Variants in RAB3B observed in about 807,000 individuals in gnomAD.
RAB3B encodes the protein RAB3B, member RAS oncogene family.
Under a neutral mutation model 20.5 loss-of-function variants are expected in RAB3B, and 11 were observed. The ratio of observed to expected loss-of-function variants is 0.54; its 90% CI spans 0.34 to 0.89. RAB3B has a LOEUF of 0.89. Ranked by LOEUF, RAB3B falls within the 40% of genes least tolerant of loss-of-function variation. RAB3B has a pLI of 0.02. For missense variants in RAB3B, 225 were observed against 280.9 expected, an observed-to-expected ratio of 0.80 and a Z score of 1.42; for synonymous variants, 99 against 106.3, an observed-to-expected ratio of 0.93 and a Z score of 0.42.
At chr1:51,936,160 G>T (rs1230570602) in intron 3 of RAB3B, among the ~76,000 whole-genome samples, 3 of 152,210 alleles carry the variant, frequency 2.0e-5, no homozygotes. Context: ...CAGCCTCTCC[G>T]ATTCTGAAGG....
In RAB3B at chr1:51,919,844, G is replaced by T; in HGVS notation, c.*83C>A. The stretch of plus-strand genomic sequence containing the variant: ...GGGCAGTGTGTAACAGGGAGAGTGG[G>T]CTGAGAGCGGACAGTGTGTAACAGG... On this transcript the variant is annotated 3_prime_UTR_variant, in exon 5 of 5. Transcript: ENST00000371655. The T allele has an allele frequency of 7.4e-7, 1 of 1,352,668 alleles. No homozygotes were observed. The highest frequency in any genetic ancestry group is 1.0e-6 in the Non-Finnish European group (1 of 989,148). 83.8% of individuals were successfully genotyped at this position (1,352,668 alleles called of 1,614,324 possible). A position where few individuals can be genotyped will look rare whatever the true frequency, so the allele number is the denominator to read the frequency against.
intron 1 of RAB3B, among the ~76,000 whole-genome samples, chr1:51,985,252 G>A (rs909971401): frequency 5.3e-5 from 8 of 152,070 alleles, no homozygotes; most frequent in Non-Finnish European, 1.0e-4. Flanking sequence ...CCCTGATTGT[G>A]GCTCCATTAT....
intron 1 of RAB3B, among the ~76,000 whole-genome samples, chr1:51,986,965 C>A (rs1326180686): frequency 6.6e-6 from 1 of 152,250 alleles, no homozygotes; most frequent in Non-Finnish European, 1.5e-5. Flanking sequence ...TCAATCAAAT[C>A]TTTCCTCTAT....
In RAB3B at chr1:51,909,527, C is replaced by T. The variant is rs1291090657; in HGVS notation, c.*10400G>A. The T allele has an allele frequency of 6.6e-6, 1 of 152,122 alleles. No homozygotes were observed. Among genetic ancestry groups the T allele is most frequent in the East Asian group, 1.9e-4 (1 of 5,200 alleles). The allele number at this position is 152,122 out of a possible 1,614,324, so 9.4% of individuals were successfully genotyped here. On this transcript the variant is annotated 3_prime_UTR_variant, in exon 5 of 5. Coordinates refer to ENST00000371655, the MANE Select transcript of RAB3B (RefSeq NM_002867.4). ...TCGGAGGGCACCTCTAACAAAGGCT[C>T]TGGAGCACTCTAAACTCTCATTCTG...
rs968523683 is a variant in RAB3B, at chr1:51,910,849, T to C, written c.*9078A>G. The C allele has an allele frequency of 2.6e-5, 4 of 152,204 alleles. No homozygotes were observed. The highest frequency in any genetic ancestry group is 7.2e-5 in the African/African-American group (3 of 41,456). 9.4% of individuals were successfully genotyped at this position (152,204 alleles called of 1,614,324 possible). Reference sequence around the variant, plus strand: ...ATTTGAATCTGAAAGGAGACAGGAATCCTAATCCTACTGCTCAGGGACTTG... The same window carrying C: ...ATTTGAATCTGAAAGGAGACAGGAACCCTAATCCTACTGCTCAGGGACTTG... On this transcript the variant is annotated 3_prime_UTR_variant, in exon 5 of 5. Coordinates refer to ENST00000371655, the MANE Select transcript of RAB3B (RefSeq NM_002867.4).
intron 2 of RAB3B, among the ~76,000 whole-genome samples, chr1:51,939,293 T>A (rs1312964350): frequency 6.6e-6 from 1 of 152,220 alleles, no homozygotes; most frequent in Non-Finnish European, 1.5e-5. Context: ...TCTATGAGAT[T>A]CCAGTGAGGT....
rs1685019855 is a variant in RAB3B at position 51,977,031 on chromosome 1, G to A, written c.87C>T (p.Gly29=). Residue 29 remains glycine, a synonymous_variant, in exon 2 of 5, where the codon GGC becomes GGT. Transcript: ENST00000371655. The part of the protein sequence containing the change: ...FDYMFKLLII[G]NSSVGKTSFL... ...AGGAGGTCTTGCCAACACTGCTGTT[G>A]CCAATGATAAGCAGTTTAAACATGT... is the stretch of plus-strand genomic sequence containing the variant. 1.2e-6 allele frequency: 2 copies of A among 1,614,050 alleles called. No individual in the cohort carries two copies. The highest frequency in any genetic ancestry group is 1.7e-6 in the Non-Finnish European group (2 of 1,180,040).
intron 2 of RAB3B, among the ~76,000 whole-genome samples, chr1:51,946,931 T>A (rs1684573121): frequency 6.6e-6 from 1 of 152,048 alleles, no homozygotes; most frequent in South Asian, 2.2e-4. Context: ...ACCTGGTCTG[T>A]CTGATTCCAA....
intron 2 of RAB3B, among the ~76,000 whole-genome samples, chr1:51,970,959 T>C (rs1034434789): frequency 9.5e-5 from 13 of 137,464 alleles, no homozygotes; most frequent in Non-Finnish European, 1.7e-4. Flanking sequence ...TCCAGTCAGC[T>C]GAGATCGTGC....
rs554896428 is a variant in RAB3B, at chr1:51,927,015, C to G, written c.472+6303G>C. ...CAGCCTTCTGTGCTAGAAGTGACAA[C>G]AAAGGTCACAAGAGGATTTTCGTGA... On this transcript the variant is annotated intron_variant, in intron 4 of 4. Transcript: ENST00000371655. Among the ~76,000 whole-genome samples, 5 of 152,324 alleles carry G rather than the reference C, an allele frequency of 3.3e-5. No homozygotes were observed. In the South Asian group the frequency reaches 1.0e-3, roughly 32 times the overall value.
intron 2 of RAB3B, among the ~76,000 whole-genome samples, chr1:51,945,273 G>A (rs1378063049): frequency 6.6e-6 from 1 of 152,210 alleles, no homozygotes; most frequent in Non-Finnish European, 1.5e-5. Flanking sequence ...CTGGGCTCCA[G>A]TGATCCTCCC....
rs549910175 is a variant in RAB3B at position 51,911,958 on chromosome 1, A to G, written c.*7969T>C. The G allele has an allele frequency of 6.6e-6, 1 of 152,208 alleles. No homozygotes were observed. The highest frequency in any genetic ancestry group is 2.4e-5 in the African/African-American group (1 of 41,524). The allele number at this position is 152,208 out of a possible 1,614,324, so 9.4% of individuals were successfully genotyped here. On this transcript the variant is annotated 3_prime_UTR_variant, in exon 5 of 5. Coordinates refer to ENST00000371655, the MANE Select transcript of RAB3B (RefSeq NM_002867.4). The stretch of plus-strand genomic sequence containing the variant: ...TCTGGAAGAAACAAGGAGAGAGGTG[A>G]CAGCTGCTTATTACAGGAAATGATT...
intron 2 of RAB3B, among the ~76,000 whole-genome samples, chr1:51,943,697 G>A (rs569837209): frequency 8.5e-5 from 13 of 152,322 alleles, no homozygotes; most frequent in African/African-American, 2.9e-4. Context: ...AGTGGTTTCT[G>A]GATAGAAGAT....
intron 3 of RAB3B, 129 bp downstream of exon 3, chr1:51,937,165 T>C (rs530764013): frequency 1.3e-3 from 857 of 663,936 alleles, no homozygotes; most frequent in Admixed American, 3.0e-3. Flanking sequence ...TGCTCTCGTC[T>C]GTAAACTCCT....
intron 2 of RAB3B, among the ~76,000 whole-genome samples, chr1:51,972,708 G>A (rs1429703386): frequency 6.6e-6 from 1 of 152,012 alleles, no homozygotes; most frequent in African/African-American, 2.4e-5. Context: ...ACACAGAGTG[G>A]GAAGGCAGCC....
chr1:51,912,713 G>A lies in RAB3B; in HGVS notation c.*7214C>T, dbSNP rs1375484773. 2 of 150,566 alleles carry A rather than the reference G, an allele frequency of 1.3e-5. No individual in the cohort carries two copies. Among genetic ancestry groups the A allele is most frequent in the African/African-American group, 4.9e-5 (2 of 40,862 alleles). 9.3% of individuals were successfully genotyped at this position (150,566 alleles called of 1,614,324 possible). A position where few individuals can be genotyped will look rare whatever the true frequency, so the allele number is the denominator to read the frequency against. ...TAGGGCAGAAAACAATGGTGGCCTG[G>A]ACCAAGGTCATGCCAATGAAAATGG... On this transcript the variant is annotated 3_prime_UTR_variant, in exon 5 of 5. Coordinates refer to ENST00000371655, the MANE Select transcript of RAB3B (RefSeq NM_002867.4).
At chr1:51,922,469 C>T (rs1321961500) in intron 4 of RAB3B, among the ~76,000 whole-genome samples, 2 of 151,974 alleles carry the variant, frequency 1.3e-5, no homozygotes, top group Admixed American at 6.6e-5. Flanking sequence ...TAGAATGAGG[C>T]GAATACTACC....
At chr1:51,930,387 T>C (rs1684306047) in intron 4 of RAB3B, among the ~76,000 whole-genome samples, 1 of 152,260 alleles carries the variant, frequency 6.6e-6, no homozygotes, top group Admixed American at 6.5e-5. Flanking sequence ...CCTTGTTCAA[T>C]ATATATCAGC....
intron 1 of RAB3B, among the ~76,000 whole-genome samples, chr1:51,977,932 T>C (rs1685031627): frequency 1.3e-5 from 2 of 152,206 alleles, no homozygotes; most frequent in Non-Finnish European, 2.9e-5. Context: ...TATCTTCCCA[T>C]ACCCCTTCTC....
Sources: allele counts gnomAD v4.1 joint callset (sites outside exome capture counted in the v4.1 genomes callset), GRCh38; gene constraint gnomAD v4.1.1; transcripts MANE v1.5; gene names NCBI Gene and HGNC (gene_info 2026-07-23, HGNC 2026-07-21).